Variants in GYPC observed in about 807,000 individuals in gnomAD.
GYPC encodes glycophorin-C.
Under a neutral mutation model 12.6 loss-of-function variants are expected in GYPC, and 14 were observed. The ratio of observed to expected loss-of-function variants is 1.11; its 90% CI spans 0.74 to 1.74. The LOEUF is 1.74. Among genes scored for constraint, GYPC ranks in the 40% most tolerant of loss-of-function variants. The probability of loss-of-function intolerance (pLI) is 0.00; values close to 1 mark genes in which losing one functional copy is unlikely to be tolerated. For missense variants in GYPC, 225 were observed against 172.1 expected, an observed-to-expected ratio of 1.31 and a Z score of -1.72; for synonymous variants, 78 against 62.1, an observed-to-expected ratio of 1.26 and a Z score of -1.20.
chr2:126,695,010 A>G lies in GYPC; in HGVS notation c.191-936A>G, dbSNP rs905744428. On this transcript the variant is annotated intron_variant, in intron 3 of 3. Transcript: ENST00000259254. ...CAGCCACCACCTTGGCATCCTCTGC[A>G]TTACCCTCTCCCACTTCAGTCCTTT... is the stretch of plus-strand genomic sequence containing the variant. 5.3e-5 allele frequency among the ~76,000 whole-genome samples: 8 copies of G among 152,074 alleles called. No homozygotes were observed. The South Asian group carries it at 8.3e-4, about 16-fold the overall frequency.
At chr2:126,663,227 G>A (rs192340441) in intron 1 of GYPC, among the ~76,000 whole-genome samples, 9 of 152,182 alleles carry the variant, frequency 5.9e-5, no homozygotes, top group South Asian at 2.1e-4. Context: ...TAGTAGAGAT[G>A]TGGTTTCACC....
rs375053298 is a variant in GYPC, at chr2:126,673,673, G to A, written c.50-16582G>A. Among the ~76,000 whole-genome samples the A allele has an allele frequency of 2.0e-4, 31 of 152,284 alleles. No individual in the cohort carries two copies. The East Asian group carries it at 5.4e-3, about 27-fold the overall frequency. On this transcript the variant is annotated intron_variant, in intron 1 of 3. Coordinates refer to ENST00000259254, the MANE Select transcript of GYPC (RefSeq NM_002101.5). Reference sequence around the variant, plus strand: ...CCACAGATTCCTGGGCAGGCAGACCGTGCCAACTCCTCTTCTCAGTTCAAC... The same window carrying A: ...CCACAGATTCCTGGGCAGGCAGACCATGCCAACTCCTCTTCTCAGTTCAAC...
At chr2:126,683,151 T>C (rs1423001549) in intron 1 of GYPC, among the ~76,000 whole-genome samples, 3 of 152,016 alleles carry the variant, frequency 2.0e-5, no homozygotes, top group Non-Finnish European at 4.4e-5. Flanking sequence ...AAAACCCATC[T>C]CTACTGAAAA....
intron 1 of GYPC, chr2:126,686,319 G>A (rs761200193): frequency 6.1e-6 from 6 of 985,654 alleles, no homozygotes; most frequent in African/African-American, 3.5e-5. Context: ...AACTGAAGCA[G>A]AGAGCACTGC....
At chr2:126,692,662 A>G (rs1463540311) in intron 2 of GYPC, among the ~76,000 whole-genome samples, 3 of 152,156 alleles carry the variant, frequency 2.0e-5, no homozygotes, top group East Asian at 1.9e-4. Context: ...CCGGTCCCCA[A>G]TGTCCTAGAC....
intron 2 of GYPC, among the ~76,000 whole-genome samples, chr2:126,692,006 GCATGCATTTACT>G (rs1230689250): frequency 6.6e-6 from 1 of 152,106 alleles, no homozygotes; most frequent in Non-Finnish European, 1.5e-5. Context: ...ATTTATATAT[GCATGCATTTACT>G]CATGCATTCA....
At chr2:126,694,141 G>T (rs369208025) in intron 3 of GYPC, among the ~76,000 whole-genome samples, 194 bp downstream of exon 3, 1 of 152,066 alleles carries the variant, frequency 6.6e-6, no homozygotes, top group Non-Finnish European at 1.5e-5. Flanking sequence ...TACATCGTAC[G>T]TATCTATGTA....
intron 1 of GYPC, among the ~76,000 whole-genome samples, chr2:126,669,018 G>A (rs1348573966): frequency 1.3e-5 from 2 of 152,190 alleles, no homozygotes; most frequent in African/African-American, 2.4e-5. Context: ...TAACTTCAAG[G>A]AGTATAATTC....
rs1342558500 is a variant in GYPC, at chr2:126,696,084, AG to A, written c.332del (p.Gly111GlufsTer27). 6.2e-7 allele frequency: 1 copy of A among 1,614,052 alleles called. No homozygotes were observed. Among genetic ancestry groups the A allele is most frequent in the East Asian group, 2.2e-5 (1 of 44,894 alleles). The stretch of plus-strand genomic sequence containing the variant: ...GCTGAGAGTGCAGATGCAGCCCTGC[AG>A]GGAGACCCTGCCCTCCAAGATGCTG... Reference protein sequence around the residue: ...EFAESADAALQGDPALQDAGD... With the variant: ...EFAESADAALXGDPALQDAGD... On this transcript the variant is annotated frameshift_variant, in exon 4 of 4. Transcript: ENST00000259254. LOFTEE classifies it high-confidence loss of function.
At chr2:126,662,960 G>A (rs1326354194) in intron 1 of GYPC, among the ~76,000 whole-genome samples, 3 of 152,178 alleles carry the variant, frequency 2.0e-5, no homozygotes, top group Non-Finnish European at 4.4e-5. Context: ...ATGACAGGGG[G>A]CCATCTGCAT....
chr2:126,669,901 C>A (rs1317467320), intron 1 of GYPC, among the ~76,000 whole-genome samples: 1 of 152,160 alleles, frequency 6.6e-6, no homozygotes, highest in Admixed American at 6.5e-5. Context: ...TAAAAGCCTT[C>A]TCTGAGGTTG....
intron 1 of GYPC, among the ~76,000 whole-genome samples, chr2:126,677,334 T>C (rs1683021222): frequency 7.1e-6 from 1 of 140,282 alleles, no homozygotes; most frequent in Admixed American, 7.6e-5. Context: ...TGTGATAGTG[T>C]GTAAGAAAGA....
intron 1 of GYPC, among the ~76,000 whole-genome samples, chr2:126,660,079 C>A (rs1048981948): frequency 5.2e-4 from 79 of 152,364 alleles, no homozygotes; most frequent in African/African-American, 1.8e-3. Flanking sequence ...CCAGACCCCA[C>A]AGGCAACTGA....
At chr2:126,662,087 A>C (rs28369974) in intron 1 of GYPC, among the ~76,000 whole-genome samples, 1 of 152,212 alleles carries the variant, frequency 6.6e-6, no homozygotes, top group Non-Finnish European at 1.5e-5. Context: ...GACCCAGCCC[A>C]GCACTGCCAC....
intron 1 of GYPC, among the ~76,000 whole-genome samples, chr2:126,665,385 G>A (rs986235419): frequency 1.4e-4 from 21 of 152,058 alleles, no homozygotes; most frequent in African/African-American, 3.9e-4. Flanking sequence ...ATAGTTATTC[G>A]CATATAGGAA....
intron 2 of GYPC, among the ~76,000 whole-genome samples, chr2:126,691,065 T>C (rs1441957146): frequency 1.3e-5 from 2 of 151,894 alleles, no homozygotes; most frequent in Non-Finnish European, 2.9e-5. Flanking sequence ...GGTGATATTA[T>C]TAACATTATG....
intron 1 of GYPC, among the ~76,000 whole-genome samples, chr2:126,685,538 G>C (rs1455478249): frequency 3.3e-5 from 5 of 151,990 alleles, no homozygotes; most frequent in African/African-American, 9.7e-5. Context: ...GCACCCGCCA[G>C]CATGCCCAAC....
At chr2:126,684,123 C>G (rs758514140) in intron 1 of GYPC, among the ~76,000 whole-genome samples, 1 of 152,176 alleles carries the variant, frequency 6.6e-6, no homozygotes, top group African/African-American at 2.4e-5. Context: ...TTGCACAGCA[C>G]CTTGGCAGCC....
At chr2:126,659,805 A>G (rs1365160154) in intron 1 of GYPC, among the ~76,000 whole-genome samples, 1 of 136,040 alleles carries the variant, frequency 7.4e-6, no homozygotes, top group Non-Finnish European at 1.5e-5. Flanking sequence ...TTTGAGACAG[A>G]GTCTCGTGCT....
Sources: allele counts gnomAD v4.1 joint callset (sites outside exome capture counted in the v4.1 genomes callset), GRCh38; gene constraint gnomAD v4.1.1; transcripts MANE v1.5; gene names NCBI Gene and HGNC (gene_info 2026-07-23, HGNC 2026-07-21).